Variants in TNKS observed in about 807,000 individuals in gnomAD.
TNKS encodes tankyrase.
In TNKS, 72 loss-of-function variants were observed where a neutral mutation model predicts 135.8. That is an observed-to-expected ratio of 0.53 (90% CI 0.44 to 0.64). The LOEUF (loss-of-function observed/expected upper bound fraction) is 0.64, where lower values mean the gene tolerates loss of function less well. Ranked by LOEUF, TNKS falls within the 30% of genes least tolerant of loss-of-function variation. TNKS has a pLI of 0.00. For synonymous variants in TNKS, 849 were observed against 649.3 expected, an observed-to-expected ratio of 1.31 and a Z score of -4.68; for missense variants, 1,769 against 1,674.0, an observed-to-expected ratio of 1.06 and a Z score of -0.99.
In TNKS at chr8:9,715,037, G is replaced by A. The variant is rs981457961; in HGVS notation, c.1749+4817G>A. On this transcript the variant is annotated intron_variant, in intron 11 of 26. Transcript: ENST00000310430. The stretch of plus-strand genomic sequence containing the variant: ...TGAGGATTGCCCATGTTTATAGAGC[G>A]GTGGTGGGAAGAGAAAGCTGGAAGT... Among the ~76,000 whole-genome samples the A allele has an allele frequency of 1.1e-4, 16 of 152,074 alleles. 1 individual carries two copies. Among genetic ancestry groups the A allele is most frequent in the Admixed American group, 1.0e-3 (16 of 15,250 alleles).
At chr8:9,704,607 AG>A in intron 5 of TNKS, 55 bp from the exon 6 acceptor site, 1 of 1,436,244 alleles carries the variant, frequency 7.0e-7, no homozygotes, top group Middle Eastern at 1.8e-4. Flanking sequence ...TGGCAAAGCA[AG>A]GATTTTCTTT....
intron 1 of TNKS, among the ~76,000 whole-genome samples, chr8:9,571,722 C>T (rs1797765846): frequency 6.6e-6 from 1 of 152,162 alleles, no homozygotes; most frequent in Admixed American, 6.5e-5. Flanking sequence ...CCTCAGCCTA[C>T]CAAAGTGCTG....
chr8:9,599,146 C>A (rs1221538200), intron 2 of TNKS, among the ~76,000 whole-genome samples: 2 of 151,832 alleles, frequency 1.3e-5, no homozygotes, highest in African/African-American at 4.8e-5. Context: ...AGTAATCTAC[C>A]CCTAAATAAA....
At chr8:9,687,562 G>A (rs1415282955) in intron 5 of TNKS, among the ~76,000 whole-genome samples, 1 of 152,168 alleles carries the variant, frequency 6.6e-6, no homozygotes, top group Admixed American at 6.5e-5. Flanking sequence ...ACTGGTAAGG[G>A]TAATTAGTAC....
chr8:9,588,884 C>T (rs554563552), intron 2 of TNKS, among the ~76,000 whole-genome samples: 1 of 152,192 alleles, frequency 6.6e-6, no homozygotes, highest in East Asian at 1.9e-4. Flanking sequence ...AACCCCATAG[C>T]CTTATTTCAA....
intron 2 of TNKS, among the ~76,000 whole-genome samples, chr8:9,586,930 A>C (rs1244846461): frequency 6.6e-6 from 1 of 152,100 alleles, no homozygotes; most frequent in East Asian, 1.9e-4. Flanking sequence ...GTACCTGGAG[A>C]GTACTGTTGG....
intron 5 of TNKS, among the ~76,000 whole-genome samples, chr8:9,690,480 C>T (rs138803706): frequency 6.6e-6 from 1 of 152,046 alleles, no homozygotes; most frequent in Non-Finnish European, 1.5e-5. Flanking sequence ...AAATTTTTGG[C>T]CAAGCATGGT....
chr8:9,697,996 A>C (rs1305176558), intron 5 of TNKS, among the ~76,000 whole-genome samples: 1 of 152,214 alleles, frequency 6.6e-6, no homozygotes, highest in African/African-American at 2.4e-5. Flanking sequence ...ACATGGAATC[A>C]ACCTAGGTGC....
intron 5 of TNKS, among the ~76,000 whole-genome samples, chr8:9,701,060 A>G (rs1803778534): frequency 6.6e-6 from 1 of 151,580 alleles, no homozygotes; most frequent in Non-Finnish European, 1.5e-5. Flanking sequence ...CAGCCTCCCA[A>G]GTCGCTGGGA....
In TNKS at chr8:9,706,190, A is replaced by G. The variant is rs753643924; in HGVS notation, c.1206A>G (p.Gly402=). 1.9e-6 allele frequency: 3 copies of G among 1,570,378 alleles called. No individual in the cohort carries two copies. Among genetic ancestry groups the G allele is most frequent in the East Asian group, 2.4e-5 (1 of 41,808 alleles). The change falls in exon 7 of 27, where the codon GGA becomes GGG. Residue 402 remains glycine, a synonymous_variant. Transcript: ENST00000310430. The part of the protein sequence containing the change: ...GADVHAKDKG[G]LVPLHNACSY... ...TAATTTGCCTCTTTTCATTTAGTGG[A>G]CTTGTGCCTCTTCATAATGCATGTT...
At chr8:9,651,007 G>A (rs748276820) in intron 3 of TNKS, among the ~76,000 whole-genome samples, 7 of 151,310 alleles carry the variant, frequency 4.6e-5, no homozygotes, top group Non-Finnish European at 7.4e-5. Context: ...AGTGAGAGAT[G>A]AGGATCCAGT....
At position 9,644,968 on chromosome 8, in the gene TNKS, A is replaced by G. The variant is rs547009073; in HGVS notation, c.994+29291A>G. The stretch of plus-strand genomic sequence containing the variant: ...ATAGGCCAATGTAAGTCTTCTGAGC[A>G]TGTAAAGGTAGACTAGGCTAAGCTA... On this transcript the variant is annotated intron_variant, in intron 3 of 26. Transcript: ENST00000310430. 1.1e-4 allele frequency among the ~76,000 whole-genome samples: 17 copies of G among 152,320 alleles called. No individual in the cohort carries two copies. In the East Asian group the frequency reaches 3.1e-3, roughly 28 times the overall value.
At chr8:9,571,935 G>C (rs1330821068) in intron 1 of TNKS, among the ~76,000 whole-genome samples, 1 of 152,048 alleles carries the variant, frequency 6.6e-6, no homozygotes, top group African/African-American at 2.4e-5. Context: ...TTATTCCTTA[G>C]ATCTTAGCTC....
At chr8:9,735,303 G>A (rs1208533667) in intron 16 of TNKS, 74 bp from the exon 17 acceptor site, 2 of 1,373,112 alleles carry the variant, frequency 1.5e-6, no homozygotes, top group African/African-American at 1.5e-5. Context: ...ACATTTTCTG[G>A]TCCTTATTAC....
At chr8:9,680,438 A>G (rs544718119) in intron 4 of TNKS, among the ~76,000 whole-genome samples, 76 of 152,288 alleles carry the variant, frequency 5.0e-4, no homozygotes, top group African/African-American at 1.7e-3. Context: ...GTTTTAGTCT[A>G]TTTATCAGAA....
chr8:9,610,874 G>C (rs1442338361), intron 2 of TNKS, among the ~76,000 whole-genome samples: 1 of 152,110 alleles, frequency 6.6e-6, no homozygotes, highest in Non-Finnish European at 1.5e-5. Flanking sequence ...TAATTTTCTA[G>C]GAATTTAACA....
intron 3 of TNKS, among the ~76,000 whole-genome samples, chr8:9,661,128 G>A (rs1801690000): frequency 6.6e-6 from 1 of 151,982 alleles, no homozygotes; most frequent in East Asian, 1.9e-4. Context: ...TGGGTAGGAA[G>A]AATCAATATC....
chr8:9,639,338 C>T (rs1268310938), intron 3 of TNKS, among the ~76,000 whole-genome samples: 1 of 152,002 alleles, frequency 6.6e-6, no homozygotes, highest in Admixed American at 6.5e-5. Context: ...AGGAGAGTAG[C>T]TTATGAACAG....
intron 3 of TNKS, among the ~76,000 whole-genome samples, chr8:9,639,417 T>C (rs1033464680): frequency 6.6e-6 from 1 of 152,018 alleles, no homozygotes; most frequent in Non-Finnish European, 1.5e-5. Context: ...GGCTAAAAAA[T>C]GAAACATTTA....
Sources: gnomAD v4.1 joint callset for allele counts (sites outside exome capture counted in the v4.1 genomes callset) on GRCh38, gnomAD v4.1.1 for gene constraint, MANE v1.5 for transcripts, NCBI Gene and HGNC (gene_info 2026-07-23, HGNC 2026-07-21) for gene names.